The following CPA6 variants were observed in gnomAD, a reference collection of about 807,000 sequenced individuals.
CPA6 encodes carboxypeptidase B.
In CPA6, 58 loss-of-function variants were observed where a neutral mutation model predicts 63.3. The observed-to-expected ratio is 0.92, with a 90% CI of 0.74 to 1.14. CPA6 has a LOEUF of 1.14. Ranked by LOEUF, CPA6 falls within the 50% of genes most tolerant of loss-of-function variation. The pLI is 0.00. For synonymous variants in CPA6, 185 were observed against 179.0 expected (o/e 1.03, Z -0.27); for missense variants, 565 against 526.6 (o/e 1.07, Z -0.71).
intron 1 of CPA6, among the ~76,000 whole-genome samples, chr8:67,649,653 A>G (rs1449025091): frequency 2.6e-5 from 4 of 152,210 alleles, no homozygotes; most frequent in African/African-American, 7.2e-5. Flanking sequence ...AGGGTCACTC[A>G]GTGTTTTAGA....
chr8:67,669,308 T>C (rs1587687865), intron 1 of CPA6, among the ~76,000 whole-genome samples: 1 of 152,222 alleles, frequency 6.6e-6, no homozygotes, highest in Non-Finnish European at 1.5e-5. Context: ...GGCAATATCA[T>C]TGAGCAGTAT....
chr8:67,687,829 C>T (rs137945501), intron 1 of CPA6, among the ~76,000 whole-genome samples: 205 of 152,084 alleles, frequency 1.3e-3, no homozygotes, highest in Non-Finnish European at 2.4e-3. Flanking sequence ...GTCAATGAGA[C>T]GATGCAGTTT....
chr8:67,725,449 A>T (rs1481301988), intron 1 of CPA6, among the ~76,000 whole-genome samples: 1 of 152,214 alleles, frequency 6.6e-6, no homozygotes, highest in Non-Finnish European at 1.5e-5. Context: ...CATGACTGAA[A>T]ATTGTAAGCA....
At chr8:67,611,876 A>G (rs1814815408) in intron 2 of CPA6, among the ~76,000 whole-genome samples, 1 of 151,840 alleles carries the variant, frequency 6.6e-6, no homozygotes, top group Non-Finnish European at 1.5e-5. Flanking sequence ...CCTAAATCTC[A>G]CCCTTCTGAT....
intron 2 of CPA6, among the ~76,000 whole-genome samples, chr8:67,611,470 C>T (rs1300752823): frequency 6.6e-6 from 1 of 152,156 alleles, no homozygotes; most frequent in East Asian, 1.9e-4. Flanking sequence ...GTTAATTACG[C>T]AGAACATTAC....
chr8:67,507,039 A>C, intron 5 of CPA6, 151 bp from the exon 6 acceptor site: 1 of 554,110 alleles, frequency 1.8e-6, no homozygotes, highest in East Asian at 2.8e-5. Flanking sequence ...CTATCTCGAA[A>C]GTCCAGGCTT....
At chr8:67,509,707 T>A (rs1812005518) in intron 4 of CPA6, 89 bp from the exon 5 acceptor site, 1 of 621,544 alleles carries the variant, frequency 1.6e-6, no homozygotes, top group African/African-American at 1.9e-5. Context: ...ACAACAGTAG[T>A]TCTCCGAATT....
At chr8:67,687,163 C>G (rs866443181) in intron 1 of CPA6, among the ~76,000 whole-genome samples, 1 of 152,162 alleles carries the variant, frequency 6.6e-6, no homozygotes, top group Admixed American at 6.5e-5. Flanking sequence ...AATCTCACAG[C>G]ATTTTTCTCT....
At chr8:67,636,148 G>A (rs962813906) in intron 1 of CPA6, among the ~76,000 whole-genome samples, 2 of 151,430 alleles carry the variant, frequency 1.3e-5, no homozygotes, top group Admixed American at 6.6e-5. Context: ...TATTTAAAGG[G>A]GGTGGAAGGA....
At chr8:67,617,903 C>T (rs184090286) in intron 2 of CPA6, among the ~76,000 whole-genome samples, 14 of 151,604 alleles carry the variant, frequency 9.2e-5, no homozygotes, top group Non-Finnish European at 1.5e-4. Flanking sequence ...AATTTCTTGC[C>T]ATGGGGCAGT....
intron 1 of CPA6, among the ~76,000 whole-genome samples, chr8:67,745,426 A>G (rs1161075785): frequency 3.3e-5 from 5 of 152,230 alleles, no homozygotes; most frequent in Non-Finnish European, 4.4e-5. Context: ...AGGGGGGACA[A>G]AACTGATTGT....
At chr8:67,716,504 G>A (rs1817384851) in intron 1 of CPA6, among the ~76,000 whole-genome samples, 1 of 152,144 alleles carries the variant, frequency 6.6e-6, no homozygotes, top group African/African-American at 2.4e-5. Context: ...ACATGCGAGA[G>A]GAAGGTAGAG....
chr8:67,470,072 A>G (rs35523866), intron 8 of CPA6, among the ~76,000 whole-genome samples: 57,050 of 148,108 alleles, frequency 0.39, 11,210 homozygotes, highest in African/African-American at 0.49. Context: ...GTCTCACTCT[A>G]TCACCCAGGC....
At chr8:67,687,786 G>T (rs1439964447) in intron 1 of CPA6, among the ~76,000 whole-genome samples, 1 of 152,090 alleles carries the variant, frequency 6.6e-6, no homozygotes, top group Non-Finnish European at 1.5e-5. Context: ...TGAAGATAAG[G>T]ATAGCAGCCG....
chr8:67,674,258 G>C (rs547485049), intron 1 of CPA6, among the ~76,000 whole-genome samples: 2 of 152,318 alleles, frequency 1.3e-5, no homozygotes, highest in African/African-American at 4.8e-5. Context: ...GACTACCTGA[G>C]CATTTGTGAG....
At chr8:67,452,073 T>C (rs571427280) in intron 8 of CPA6, among the ~76,000 whole-genome samples, 26 of 152,276 alleles carry the variant, frequency 1.7e-4, no homozygotes, top group African/African-American at 6.3e-4. Flanking sequence ...TCCCAGACTG[T>C]ATAAAAAACT....
intron 8 of CPA6, among the ~76,000 whole-genome samples, chr8:67,454,648 TTC>T (rs879904599): frequency 5.9e-5 from 9 of 152,218 alleles, no homozygotes; most frequent in Non-Finnish European, 1.3e-4. Flanking sequence ...AGAGACAAAA[TTC>T]TCTTTCTCAT....
At chr8:67,666,295 T>C (rs1218403496) in intron 1 of CPA6, among the ~76,000 whole-genome samples, 1 of 152,170 alleles carries the variant, frequency 6.6e-6, no homozygotes, top group Non-Finnish European at 1.5e-5. Flanking sequence ...AGGCCTTGCC[T>C]GGTAAATAGA....
intron 1 of CPA6, among the ~76,000 whole-genome samples, chr8:67,738,841 C>T (rs1411851639): frequency 6.6e-6 from 1 of 152,184 alleles, no homozygotes; most frequent in East Asian, 1.9e-4. Context: ...AAATTCTAAT[C>T]CAATAAACCA....
Sources: gnomAD v4.1 joint callset for allele counts (sites outside exome capture counted in the v4.1 genomes callset) on GRCh38, gnomAD v4.1.1 for gene constraint, MANE v1.5 for transcripts, NCBI Gene and HGNC (gene_info 2026-07-23, HGNC 2026-07-21) for gene names.